PDE9A: variants seen among roughly 807,000 people sequenced by gnomAD.
PDE9A encodes the protein high affinity cGMP-specific 3',5'-cyclic phosphodiesterase 9A.
Under a neutral mutation model 87.4 loss-of-function variants are expected in PDE9A, and 60 were observed. The ratio of observed to expected loss-of-function variants is 0.69; its 90% CI spans 0.56 to 0.85. The LOEUF (loss-of-function observed/expected upper bound fraction) is 0.85, where lower values mean the gene tolerates loss of function less well. PDE9A is among the 40% of genes least tolerant of loss of function. The probability of loss-of-function intolerance (pLI) is 0.00; values close to 1 mark genes in which losing one functional copy is unlikely to be tolerated. For missense variants in PDE9A, 665 were observed against 779.0 expected (o/e 0.85, Z 1.74); for synonymous variants, 272 against 279.4 (o/e 0.97, Z 0.27).
In PDE9A at chr21:42,739,294, C is replaced by T. The variant is rs535946953; in HGVS notation, c.569-4482C>T. On this transcript the variant is annotated intron_variant, in intron 7 of 19. Coordinates refer to ENST00000291539, the MANE Select transcript of PDE9A (RefSeq NM_002606.3). The surrounding 1 kb of genome is among the most constrained non-coding windows in gnomAD (Gnocchi z 4.1). ...CAGACCTCTCAGGCTTGAGGCCCCCCGCCCCACAGGACTGGCCCGCTCCTC... is the reference window on the plus strand; with the variant it reads ...CAGACCTCTCAGGCTTGAGGCCCCCTGCCCCACAGGACTGGCCCGCTCCTC... Among the ~76,000 whole-genome samples, 3 of 152,230 alleles carry T rather than the reference C, an allele frequency of 2.0e-5. No individual in the cohort carries two copies. The highest frequency in any genetic ancestry group is 7.2e-5 in the African/African-American group (3 of 41,462).
intron 16 of PDE9A, 78 bp downstream of exon 16, chr21:42,768,370 A>T (rs2056604523): frequency 2.7e-6 from 3 of 1,115,926 alleles, no homozygotes; most frequent in South Asian, 1.3e-5. Context: ...TTAAACGAGC[A>T]CGCCTGGGTG....
intron 4 of PDE9A, among the ~76,000 whole-genome samples, chr21:42,713,363 A>G (rs1253078070): frequency 6.6e-6 from 1 of 152,006 alleles, no homozygotes; most frequent in African/African-American, 2.4e-5. Flanking sequence ...CGAACTCCTG[A>G]CCTCAGGTGA....
rs1475567107 is a variant in PDE9A at position 42,760,397 on chromosome 21, A to G, written c.967A>G (p.Met323Val). 15 of 1,608,338 alleles carry G rather than the reference A, an allele frequency of 9.3e-6. No individual in the cohort carries two copies. Among genetic ancestry groups the G allele is most frequent in the Admixed American group, 1.7e-5 (1 of 59,946 alleles). Reference protein sequence around the residue: ...NFRHCFCVAQMMYSMVWLCSL... With the variant: ...NFRHCFCVAQVMYSMVWLCSL... Reference sequence around the variant, plus strand: ...CCGGCACTGCTTCTGCGTGGCCCAGATGATGTACAGCATGGTCTGGCTCTG... The same window carrying G: ...CCGGCACTGCTTCTGCGTGGCCCAGGTGATGTACAGCATGGTCTGGCTCTG... Residue 323 changes from methionine (M) to valine (V), a missense_variant, in exon 12 of 20, where the codon ATG (methionine) becomes GTG (valine). Physicochemically the swap from Met to Val is conservative, Grantham distance 21 (BLOSUM62 1). Transcript: ENST00000291539. This position sits in a 1 kb window ranked among gnomAD's most constrained non-coding sequence, Gnocchi z 5.2.
intron 4 of PDE9A, among the ~76,000 whole-genome samples, chr21:42,712,831 A>C (rs1349062022): frequency 6.6e-6 from 1 of 152,236 alleles, no homozygotes; most frequent in African/African-American, 2.4e-5. Context: ...GTTTTGTCCC[A>C]TAAAGAGGTA....
intron 4 of PDE9A, among the ~76,000 whole-genome samples, chr21:42,729,349 T>G (rs2051481278): frequency 6.6e-6 from 1 of 152,222 alleles, no homozygotes; most frequent in Admixed American, 6.5e-5. Flanking sequence ...CCCTCTTTCA[T>G]TCCTGATATT....
intron 1 of PDE9A, among the ~76,000 whole-genome samples, chr21:42,657,941 T>C (rs2057211312): frequency 6.6e-6 from 1 of 152,234 alleles, no homozygotes; most frequent in African/African-American, 2.4e-5. Flanking sequence ...GTTTCTACTG[T>C]AAACCAGAGC....
At chr21:42,756,679 G>A (rs895896129) in intron 10 of PDE9A, 4 of 152,420 alleles carry the variant, frequency 2.6e-5, no homozygotes, top group African/African-American at 4.8e-5. Flanking sequence ...AGCATGGCCC[G>A]CCTCTATCAA....
Position 42,760,618 on chromosome 21 carries a change from A to G in PDE9A, c.1002+186A>G, listed in dbSNP as rs2055622931. ...TCACCCCATGGGCGAGGCTGCTCCT[A>G]GGATTACGAGAGCAGGTGAGTCCCC... On this transcript the variant is annotated intron_variant, in intron 12 of 19. Coordinates refer to ENST00000291539, the MANE Select transcript of PDE9A (RefSeq NM_002606.3). This position sits in a 1 kb window ranked among gnomAD's most constrained non-coding sequence, Gnocchi z 5.2. Among the ~76,000 whole-genome samples the G allele has an allele frequency of 6.6e-6, 1 of 151,864 alleles. No individual in the cohort carries two copies. The highest frequency in any genetic ancestry group is 2.4e-5 in the African/African-American group (1 of 41,326).
intron 7 of PDE9A, among the ~76,000 whole-genome samples, chr21:42,735,969 G>T (rs1236518440): frequency 6.6e-6 from 1 of 152,092 alleles, no homozygotes; most frequent in African/African-American, 2.4e-5. Flanking sequence ...GCCAAAGCAT[G>T]CAAAAAAGGC....
chr21:42,715,353 G>A (rs1385079347), intron 4 of PDE9A, among the ~76,000 whole-genome samples: 1 of 152,074 alleles, frequency 6.6e-6, no homozygotes, highest in Non-Finnish European at 1.5e-5. Flanking sequence ...ACAGCCGGGC[G>A]CACTGGCTCA....
At chr21:42,720,657 G>A (rs2050411770) in intron 4 of PDE9A, among the ~76,000 whole-genome samples, 1 of 152,160 alleles carries the variant, frequency 6.6e-6, no homozygotes, top group Non-Finnish European at 1.5e-5. Flanking sequence ...GGTCGGGCTT[G>A]ACGATGTCAT....
At chr21:42,758,474 G>A (rs2055312558) in intron 10 of PDE9A, 1 of 152,664 alleles carries the variant, frequency 6.6e-6, no homozygotes, top group Non-Finnish European at 1.5e-5. Flanking sequence ...AGCGTTTCTG[G>A]ATGTAAATCG....
rs1555895272 is a variant in PDE9A at position 42,654,068 on chromosome 21, C to CTGGGGGGG, written c.69+192_69+193insGTGGGGGG. ...TCCCCGGGGAAAGGGGCGACTCGCCCTGGGGGGTGGGGGGTGGGGGGGCGG... is the reference window on the plus strand; with the variant it reads ...TCCCCGGGGAAAGGGGCGACTCGCCCTGGGGGGGTGGGGGGTGGGGGGTGGGGGGGCGG... On this transcript the variant is annotated intron_variant, in intron 1 of 19. Coordinates refer to ENST00000291539, the MANE Select transcript of PDE9A (RefSeq NM_002606.3). 1.6e-4 allele frequency among the ~76,000 whole-genome samples: 19 copies of CTGGGGGGG among 117,482 alleles called. 1 individual carries two copies. The South Asian group carries it at 3.5e-3, about 22-fold the overall frequency. 77.1% of individuals were successfully genotyped at this position (117,482 alleles called of 152,430 possible).
At chr21:42,766,341 G>A (rs1391914465) in intron 15 of PDE9A, among the ~76,000 whole-genome samples, 1 of 152,112 alleles carries the variant, frequency 6.6e-6, no homozygotes, top group East Asian at 1.9e-4. Flanking sequence ...CAGAGAGAGA[G>A]AGAGGTGCAT....
At chr21:42,774,897 A>AAT (rs1425159160) in intron 19 of PDE9A, among the ~76,000 whole-genome samples, 1 of 149,616 alleles carries the variant, frequency 6.7e-6, no homozygotes, top group Admixed American at 6.6e-5. Flanking sequence ...AAAAAAAAAA[A>AAT]GTCTGTGTAT....
chr21:42,685,915 C>T (rs1014964971), intron 1 of PDE9A, among the ~76,000 whole-genome samples: 2 of 152,200 alleles, frequency 1.3e-5, no homozygotes, highest in Non-Finnish European at 2.9e-5. Context: ...AGGGATGCGC[C>T]TTCACCATAA....
intron 1 of PDE9A, among the ~76,000 whole-genome samples, chr21:42,670,182 CACTT>C (rs1304162809): frequency 1.4e-5 from 2 of 140,106 alleles, no homozygotes; most frequent in Non-Finnish European, 3.1e-5. Context: ...CGCACACATA[CACTT>C]ACACACATTC....
intron 1 of PDE9A, among the ~76,000 whole-genome samples, chr21:42,655,602 G>A (rs1421748056): frequency 1.3e-5 from 2 of 152,266 alleles, no homozygotes; most frequent in African/African-American, 2.4e-5. Context: ...CCTGTACCAC[G>A]AGCAAGCCCC....
intron 3 of PDE9A, among the ~76,000 whole-genome samples, chr21:42,688,697 G>A (rs568905158): frequency 4.6e-5 from 7 of 152,324 alleles, no homozygotes; most frequent in South Asian, 4.1e-4. Flanking sequence ...CGGGGCGTGC[G>A]ACCTCAGGAC....
Sources: gnomAD v4.1 joint callset for allele counts (sites outside exome capture counted in the v4.1 genomes callset) on GRCh38, gnomAD v4.1.1 for gene constraint, Gnocchi (gnomAD v3.1) non-coding constraint, MANE v1.5 for transcripts, NCBI Gene and HGNC (gene_info 2026-07-23, HGNC 2026-07-21) for gene names.